The following SPICE1 variants were observed in gnomAD, a reference collection of about 807,000 sequenced individuals.
SPICE1 encodes spindle and centriole-associated protein 1.
In SPICE1, 75 loss-of-function variants were observed where a neutral mutation model predicts 102.7. That is an observed-to-expected ratio of 0.73 (90% confidence interval 0.61 to 0.88). The LOEUF (loss-of-function observed/expected upper bound fraction) is 0.88. Among genes scored for constraint, SPICE1 ranks in the 40% least tolerant of loss-of-function variants. SPICE1 has a pLI of 0.00. For missense variants in SPICE1, 979 were observed against 1,020.1 expected, an observed-to-expected ratio of 0.96 and a Z score of 0.55; for synonymous variants, 308 against 350.3, an observed-to-expected ratio of 0.88 and a Z score of 1.35.
At chr3:113,467,378 A>C (rs1422953559) in intron 10 of SPICE1, among the ~76,000 whole-genome samples, 2 of 152,098 alleles carry the variant, frequency 1.3e-5, no homozygotes, top group Non-Finnish European at 2.9e-5. Context: ...TGCAACCTCC[A>C]ACTCCCTGGT....
At chr3:113,482,726 T>G (rs1576638274) in intron 7 of SPICE1, among the ~76,000 whole-genome samples, 1 of 152,100 alleles carries the variant, frequency 6.6e-6, no homozygotes, top group East Asian at 1.9e-4. Context: ...AGATGTGTGG[T>G]GTATTTCTGA....
intron 12 of SPICE1, among the ~76,000 whole-genome samples, chr3:113,458,358 A>G (rs1418103311): frequency 5.9e-5 from 9 of 152,246 alleles, no homozygotes; most frequent in Middle Eastern, 3.4e-3. Context: ...GATTGCAGGC[A>G]CGCGCCACCA....
chr3:113,501,830 G>C (rs907264451), intron 3 of SPICE1, among the ~76,000 whole-genome samples: 3 of 152,176 alleles, frequency 2.0e-5, no homozygotes. Flanking sequence ...CCACTTCATA[G>C]AACAGTTTGA....
At chr3:113,509,465 A>G (rs988680886) in intron 1 of SPICE1, among the ~76,000 whole-genome samples, 3 of 152,332 alleles carry the variant, frequency 2.0e-5, no homozygotes, top group Middle Eastern at 3.4e-3. Flanking sequence ...ACAGAACTGT[A>G]TGTATAGTAT....
At position 113,457,358 on chromosome 3, in the gene SPICE1, C is replaced by G; in HGVS notation, c.1436-1G>C. ...ACATTGGCATTTACAACTGGACGCT[C>G]TGAAGAAGATGAGAGGATATTAGTA... On this transcript the variant is annotated splice_acceptor_variant, in intron 12 of 17. Transcript: ENST00000295872. LOFTEE classifies it high-confidence loss of function. 1 of 1,613,974 alleles carries G rather than the reference C, an allele frequency of 6.2e-7. No homozygotes were observed. Among genetic ancestry groups the G allele is most frequent in the Non-Finnish European group, 8.5e-7 (1 of 1,179,956 alleles).
chr3:113,499,284 C>T, intron 4 of SPICE1, 155 bp downstream of exon 4: 1 of 731,144 alleles, frequency 1.4e-6, no homozygotes, highest in Non-Finnish European at 2.0e-6. Flanking sequence ...ACTCCAGTCA[C>T]CACTCTGTTG....
At chr3:113,508,233 G>T (rs1250719350) in intron 1 of SPICE1, among the ~76,000 whole-genome samples, 1 of 152,012 alleles carries the variant, frequency 6.6e-6, no homozygotes, top group Admixed American at 6.6e-5. Context: ...TGGTTTCTTA[G>T]AAATGACACA....
intron 12 of SPICE1, 78 bp downstream of exon 12, chr3:113,460,539 A>C: frequency 6.6e-7 from 1 of 1,509,890 alleles, no homozygotes; most frequent in South Asian, 1.4e-5. Context: ...ATATAAGTTT[A>C]GAGATTTAAG....
intron 16 of SPICE1, among the ~76,000 whole-genome samples, chr3:113,447,427 C>T (rs144831137): frequency 2.4e-4 from 36 of 152,122 alleles, no homozygotes; most frequent in African/African-American, 8.5e-4. Context: ...TCAGGGTTCA[C>T]TCTCTGTGTT....
Position 113,457,161 on chromosome 3 carries a change from G to C in SPICE1, c.1632C>G (p.Asn544Lys), listed in dbSNP as rs1935796250. The change falls in exon 13 of 18, where the codon AAC (asparagine) becomes AAG (lysine). Residue 544 changes from asparagine (N) to lysine (K), a missense_variant. Asn to Lys is a moderately conservative substitution (Grantham distance 94, BLOSUM62 0). Coordinates refer to ENST00000295872, the MANE Select transcript of SPICE1 (RefSeq NM_144718.4). The part of the protein sequence containing the change: ...VLLTPPRQKS[N>K]LKFSPLQDVL... ...CGTCCTGAAGAGGAGAGAATTTTAA[G>C]TTGCTCTTCTGCCTGGGTGGTGTTA... 6.2e-7 allele frequency: 1 copy of C among 1,614,052 alleles called. No individual in the cohort carries two copies. Among genetic ancestry groups the C allele is most frequent in the African/African-American group, 1.3e-5 (1 of 74,934 alleles).
intron 6 of SPICE1, among the ~76,000 whole-genome samples, chr3:113,491,963 C>T (rs1192735296): frequency 2.0e-5 from 3 of 152,098 alleles, no homozygotes; most frequent in Non-Finnish European, 2.9e-5. Flanking sequence ...TGGGATACAT[C>T]GTGTACTTGT....
intron 1 of SPICE1, among the ~76,000 whole-genome samples, chr3:113,509,386 A>G (rs545695842): frequency 6.6e-6 from 1 of 152,338 alleles, no homozygotes; most frequent in Non-Finnish European, 1.5e-5. Flanking sequence ...TATATGATGA[A>G]TTATGTATCC....
intron 15 of SPICE1, 78 bp from the exon 16 acceptor site, chr3:113,448,218 A>G: frequency 8.0e-7 from 1 of 1,256,986 alleles, no homozygotes; most frequent in Non-Finnish European, 1.1e-6. Flanking sequence ...TCTTACTGCA[A>G]ACTGCACATT....
intron 5 of SPICE1, 142 bp from the exon 6 acceptor site, chr3:113,493,454 G>T: frequency 1.5e-6 from 1 of 669,894 alleles, no homozygotes; most frequent in Non-Finnish European, 2.6e-6. Flanking sequence ...TATATGCCAG[G>T]CACTGTTCTA....
At chr3:113,459,412 A>G in intron 12 of SPICE1, 3 of 924,054 alleles carry the variant, frequency 3.2e-6, no homozygotes, top group Non-Finnish European at 3.9e-6. Context: ...AGAATGATCA[A>G]TAAATACTAA....
chr3:113,452,126 A>C (rs1392685030), intron 14 of SPICE1, among the ~76,000 whole-genome samples: 2 of 152,144 alleles, frequency 1.3e-5, no homozygotes. Context: ...TAGACTCCCT[A>C]TCTCCCCCAG....
chr3:113,504,481 C>A (rs1937068776), intron 2 of SPICE1, among the ~76,000 whole-genome samples: 1 of 150,182 alleles, frequency 6.7e-6, no homozygotes, highest in Admixed American at 6.6e-5. Flanking sequence ...GTCTCAGCTA[C>A]CCAGGAGGTT....
At position 113,443,806 on chromosome 3, in the gene SPICE1, T is replaced by G. The variant is rs1032247334; in HGVS notation, c.*1501A>C. The stretch of plus-strand genomic sequence containing the variant: ...CTCATCTGCAAAATGAGGATAATAG[T>G]ACCTATCCCATAAGGTGTCATGAAG... On this transcript the variant is annotated 3_prime_UTR_variant, in exon 18 of 18. Coordinates refer to ENST00000295872, the MANE Select transcript of SPICE1 (RefSeq NM_144718.4). 4.6e-5 allele frequency: 7 copies of G among 152,214 alleles called. No individual in the cohort carries two copies. The highest frequency in any genetic ancestry group is 1.7e-4 in the African/African-American group (7 of 41,460). 9.4% of individuals were successfully genotyped at this position (152,214 alleles called of 1,614,324 possible).
chr3:113,498,413 C>G lies in SPICE1; in HGVS notation c.291+1026G>C, dbSNP rs116579395. Among the ~76,000 whole-genome samples the G allele has an allele frequency of 8.4e-3, 1,278 of 152,302 alleles. 24 individuals are homozygous for G. Among genetic ancestry groups the G allele is most frequent in the African/African-American group, 0.029 (1,207 of 41,550 alleles). On this transcript the variant is annotated intron_variant, in intron 4 of 17. Coordinates refer to ENST00000295872, the MANE Select transcript of SPICE1 (RefSeq NM_144718.4). ...AGAGAAAGGAAAATAAGCCCAGAGT[C>G]TGATGCAATCCAAGCAGGCTGCCTT...
Sources: gnomAD v4.1 joint callset for allele counts (sites outside exome capture counted in the v4.1 genomes callset) on GRCh38, gnomAD v4.1.1 for gene constraint, MANE v1.5 for transcripts, NCBI Gene and HGNC (gene_info 2026-07-23, HGNC 2026-07-21) for gene names.